The following ADAMTS3 variants were observed in gnomAD, a reference collection of about 807,000 sequenced individuals.
ADAMTS3 encodes the protein A disintegrin and metalloproteinase with thrombospondin motifs 3.
A neutral mutation model predicts 129.0 loss-of-function variants in ADAMTS3; 73 were observed. The ratio of observed to expected loss-of-function variants is 0.57; its 90% CI spans 0.47 to 0.69. The LOEUF (loss-of-function observed/expected upper bound fraction) is 0.69. Among genes scored for constraint, ADAMTS3 ranks in the 30% least tolerant of loss-of-function variants. The probability of loss-of-function intolerance (pLI) is 0.00; values close to 1 mark genes in which losing one functional copy is unlikely to be tolerated. For synonymous variants in ADAMTS3, 477 were observed against 510.8 expected, an observed-to-expected ratio of 0.93 and a Z score of 0.89; for missense variants, 1,457 against 1,514.5, an observed-to-expected ratio of 0.96 and a Z score of 0.63.
intron 1 of ADAMTS3, among the ~76,000 whole-genome samples, chr4:72,568,422 G>A (rs1194146350): frequency 6.6e-6 from 1 of 152,136 alleles, no homozygotes; most frequent in Admixed American, 6.5e-5. Context: ...TTTGTCACTA[G>A]GAATTGTTAC....
intron 3 of ADAMTS3, among the ~76,000 whole-genome samples, chr4:72,439,517 T>C (rs1383937): frequency 0.61 from 92,737 of 151,346 alleles, 29,299 homozygotes; most frequent in South Asian, 0.79. Context: ...AAATGTAACA[T>C]ATAGAACAAC....
At chr4:72,470,322 T>G (rs13128731) in intron 3 of ADAMTS3, among the ~76,000 whole-genome samples, 1 of 148,150 alleles carries the variant, frequency 6.7e-6, no homozygotes, top group Non-Finnish European at 1.5e-5. Context: ...TGGAATACCA[T>G]GAGGATTACT....
chr4:72,323,876 G>A (rs1328625974), intron 5 of ADAMTS3, among the ~76,000 whole-genome samples: 3 of 152,162 alleles, frequency 2.0e-5, no homozygotes, highest in Non-Finnish European at 4.4e-5. Flanking sequence ...TTATACAGAT[G>A]AAGAAAATAA....
rs7690711 is a variant in ADAMTS3, at chr4:72,339,536, G to T, written c.819C>A (p.Gly273=). 7.9e-3 allele frequency: 12,740 copies of T among 1,613,862 alleles called. 699 individuals are homozygous for T. The African/African-American group carries it at 0.13, about 17-fold the overall frequency. ...GVDDSVVRFH[G]KEHVQNYLLT... ...GGAGGTAGTTTTGGACGTGCTCTTT[G>T]CCATGGAAACGGACCACAGAGTCAT... is the stretch of plus-strand genomic sequence containing the variant. The change falls in exon 5 of 22, where the codon GGC becomes GGA. Residue 273 remains glycine, a synonymous_variant. Transcript: ENST00000286657.
At chr4:72,306,260 T>C (rs943520189) in intron 15 of ADAMTS3, among the ~76,000 whole-genome samples, 193 bp from the exon 16 acceptor site, 2 of 148,476 alleles carry the variant, frequency 1.3e-5, no homozygotes, top group Admixed American at 1.4e-4. Context: ...TAGAGGCAAC[T>C]TTTTTTTTTA....
chr4:72,520,304 G>T (rs1285201989), intron 3 of ADAMTS3, among the ~76,000 whole-genome samples: 2 of 152,078 alleles, frequency 1.3e-5, no homozygotes, highest in African/African-American at 4.8e-5. Flanking sequence ...GGACCCACTT[G>T]AGGAGGCAGT....
At chr4:72,404,116 T>C (rs1299228991) in intron 4 of ADAMTS3, among the ~76,000 whole-genome samples, 3 of 152,126 alleles carry the variant, frequency 2.0e-5, no homozygotes, top group East Asian at 1.9e-4. Flanking sequence ...ACAGATTCTA[T>C]GCAATCCCTA....
At chr4:72,370,094 C>T (rs965172975) in intron 4 of ADAMTS3, among the ~76,000 whole-genome samples, 1 of 152,164 alleles carries the variant, frequency 6.6e-6, no homozygotes, top group African/African-American at 2.4e-5. Flanking sequence ...ATCGCAAAAA[C>T]AAGTTGACCT....
chr4:72,288,967 CAA>C (rs1718589439), intron 20 of ADAMTS3, 99 bp from the exon 21 acceptor site: 2 of 649,112 alleles, frequency 3.1e-6, no homozygotes, highest in Non-Finnish European at 5.4e-6. Context: ...CACACACACA[CAA>C]AGACACAGAG....
chr4:72,485,558 T>A (rs956847220), intron 3 of ADAMTS3, among the ~76,000 whole-genome samples: 5 of 152,144 alleles, frequency 3.3e-5, no homozygotes, highest in African/African-American at 9.7e-5. Context: ...ATAAAATCAT[T>A]CAAGAAATAT....
chr4:72,526,568 TTATGTG>T (rs1317049181), intron 3 of ADAMTS3, among the ~76,000 whole-genome samples: 8 of 28,116 alleles, frequency 2.8e-4, no homozygotes, highest in East Asian at 1.3e-3. Flanking sequence ...CTAATGAAAT[TTATGTG>T]TGTGTGTGTG....
At chr4:72,528,829 A>G (rs1045049143) in intron 3 of ADAMTS3, among the ~76,000 whole-genome samples, 3 of 152,132 alleles carry the variant, frequency 2.0e-5, no homozygotes, top group Admixed American at 1.3e-4. Context: ...CAGTCTGTCA[A>G]TATTAATTTG....
Position 72,283,602 on chromosome 4 carries a change from C to T in ADAMTS3, c.3152G>A (p.Ser1051Asn), listed in dbSNP as rs1578548138. 1.9e-6 allele frequency: 3 copies of T among 1,613,976 alleles called. No individual in the cohort carries two copies. The highest frequency in any genetic ancestry group is 1.1e-5 in the South Asian group (1 of 91,068). Residue 1051 changes from serine to asparagine, a missense_variant, in exon 22 of 22, where the codon AGC becomes AAC. By Grantham distance (46) the Ser-to-Asn change is conservative (BLOSUM62 1). Coordinates refer to ENST00000286657, the MANE Select transcript of ADAMTS3 (RefSeq NM_014243.3). Reference protein sequence around the residue: ...GYNKLCCESCSKRSSTLPPPY... With the variant: ...GYNKLCCESCNKRSSTLPPPY... ...TGGTGGCAGGGTGCTACTGCGCTTG[C>T]TGCAGGACTCACAACATAACTTGTT...
intron 11 of ADAMTS3, among the ~76,000 whole-genome samples, chr4:72,314,137 T>C (rs1017938875): frequency 1.2e-4 from 18 of 152,278 alleles, no homozygotes; most frequent in African/African-American, 3.8e-4. Context: ...GCTTGCACAG[T>C]TGGTAAGATT....
intron 3 of ADAMTS3, among the ~76,000 whole-genome samples, chr4:72,451,121 T>A (rs1436452271): frequency 1.3e-5 from 2 of 151,770 alleles, no homozygotes; most frequent in Non-Finnish European, 2.9e-5. Flanking sequence ...TACCCTTTCA[T>A]GAAATCATCT....
chr4:72,302,474 T>C (rs1045992587), intron 17 of ADAMTS3, among the ~76,000 whole-genome samples: 4 of 151,934 alleles, frequency 2.6e-5, no homozygotes, highest in African/African-American at 9.7e-5. Flanking sequence ...AAAAAGATTA[T>C]AAAGGATGAA....
chr4:72,460,769 T>C (rs1718747102), intron 3 of ADAMTS3, among the ~76,000 whole-genome samples: 1 of 151,550 alleles, frequency 6.6e-6, no homozygotes, highest in Non-Finnish European at 1.5e-5. Flanking sequence ...CAAAGGAATA[T>C]TCAAAAACTG....
rs748272400 is a variant in ADAMTS3, at chr4:72,304,006, C to G, written c.2335G>C (p.Asp779His). 2.6e-5 allele frequency: 42 copies of G among 1,613,648 alleles called. No individual in the cohort carries two copies. The East Asian group carries it at 9.4e-4, about 36-fold the overall frequency. Residue 779 changes from aspartate to histidine, a missense_variant, in exon 17 of 22, where the codon GAT (aspartate) becomes CAT (histidine). By Grantham distance (81) the Asp-to-His change is moderately conservative. Coordinates refer to ENST00000286657, the MANE Select transcript of ADAMTS3 (RefSeq NM_014243.3). ...GEEAKSRTFI[D>H]LGVEWDYNIE... ...TTATAATCCCACTCCACACCAAGATCTATGAAGGTCCGCGACTTGGCTTCC... is the reference window on the plus strand; with the variant it reads ...TTATAATCCCACTCCACACCAAGATGTATGAAGGTCCGCGACTTGGCTTCC...
At chr4:72,323,415 A>G (rs1267270931) in intron 5 of ADAMTS3, among the ~76,000 whole-genome samples, 12 of 152,216 alleles carry the variant, frequency 7.9e-5, no homozygotes, top group Admixed American at 7.9e-4. Context: ...AAAAGCAACC[A>G]CAGGAGGGTA....
Sources: allele counts gnomAD v4.1 joint callset (sites outside exome capture counted in the v4.1 genomes callset), GRCh38; gene constraint gnomAD v4.1.1; transcripts MANE v1.5; gene names NCBI Gene and HGNC (gene_info 2026-07-23, HGNC 2026-07-21).